The following COA1 variants were observed in gnomAD, a reference collection of about 807,000 sequenced individuals.
COA1 encodes the protein cytochrome c oxidase assembly factor 1.
Under a neutral mutation model 16.0 loss-of-function variants are expected in COA1, and 13 were observed. The observed-to-expected ratio is 0.81, with a 90% CI of 0.53 to 1.29. COA1 has a LOEUF of 1.29. COA1 is among the 50% of genes most tolerant of loss of function. The pLI is 0.00. For synonymous variants in COA1, 65 were observed against 65.7 expected (o/e 0.99, Z 0.05); for missense variants, 179 against 177.0 (o/e 1.01, Z -0.06).
At chr7:43,722,694 C>A (rs942859943) in intron 1 of COA1, among the ~76,000 whole-genome samples, 1 of 152,180 alleles carries the variant, frequency 6.6e-6, no homozygotes, top group Non-Finnish European at 1.5e-5. Flanking sequence ...TGAGCCACCA[C>A]GCCCAGCTAG....
intron 6 of COA1, chr7:43,633,099 A>T (rs189176330): frequency 1.3e-5 from 2 of 151,234 alleles, no homozygotes; most frequent in East Asian, 3.9e-4. Flanking sequence ...CTAACTATGA[A>T]AGTCCTAGAT....
intron 6 of COA1, among the ~76,000 whole-genome samples, chr7:43,629,397 CAATCCATA>C (rs1453118290): frequency 1.3e-5 from 2 of 152,164 alleles, no homozygotes; most frequent in African/African-American, 4.8e-5. Flanking sequence ...AGTAGTCATC[CAATCCATA>C]AACATGTTTT....
intron 6 of COA1, among the ~76,000 whole-genome samples, chr7:43,617,944 C>G (rs767881636): frequency 6.6e-6 from 1 of 152,060 alleles, no homozygotes; most frequent in African/African-American, 2.4e-5. Context: ...AACATATAAA[C>G]AAGGAAGGAG....
Position 43,729,506 on chromosome 7 carries a change from G to T in COA1, c.-116C>A, listed in dbSNP as rs1023233140. The T allele has an allele frequency of 2.6e-5, 4 of 152,308 alleles. No homozygotes were observed. Among genetic ancestry groups the T allele is most frequent in the Admixed American group, 6.5e-5 (1 of 15,290 alleles). The allele number at this position is 152,308 out of a possible 1,614,324, so 9.4% of individuals were successfully genotyped here. ...CTTGGGAAAGCACGGGTAAATGCCC[G>T]CGGTCCTGCGCGCCAGCGGGGAGCA... On this transcript the variant is annotated 5_prime_UTR_variant, in exon 1 of 6. Coordinates refer to ENST00000223336, the MANE Select transcript of COA1 (RefSeq NM_018224.4).
At chr7:43,696,003 G>A (rs561652291) in intron 1 of COA1, among the ~76,000 whole-genome samples, 18 of 152,224 alleles carry the variant, frequency 1.2e-4, no homozygotes, top group South Asian at 8.3e-4. Flanking sequence ...AGGTTTAATC[G>A]ACATACAGTT....
At position 43,729,421 on chromosome 7, in the gene COA1, A is replaced by AGAC. The variant is rs2095696708; in HGVS notation, c.-39+5_-39+7dup. 1 of 152,288 alleles carries AGAC rather than the reference A, an allele frequency of 6.6e-6. No individual in the cohort carries two copies. The highest frequency in any genetic ancestry group is 1.5e-5 in the Non-Finnish European group (1 of 68,066). 9.4% of individuals were successfully genotyped at this position (152,288 alleles called of 1,614,324 possible). ...AAGACGGAGACTCTTATACCGCGGGAGACTAACCTGTGAGCAACAGAAGCA... is the reference window on the plus strand; with the variant it reads ...AAGACGGAGACTCTTATACCGCGGGAGACGACTAACCTGTGAGCAACAGAAGCA... On this transcript the variant is annotated splice_region_variant and intron_variant, in intron 1 of 5. Coordinates refer to ENST00000223336, the MANE Select transcript of COA1 (RefSeq NM_018224.4).
intron 6 of COA1, among the ~76,000 whole-genome samples, chr7:43,618,583 A>AGG (rs2083560770): frequency 6.6e-6 from 1 of 152,246 alleles, no homozygotes; most frequent in African/African-American, 2.4e-5. Flanking sequence ...GAAAACATTA[A>AGG]GTGAGGACCC....
intron 1 of COA1, among the ~76,000 whole-genome samples, chr7:43,692,364 C>T (rs111437730): frequency 1.3e-5 from 2 of 152,108 alleles, no homozygotes; most frequent in African/African-American, 4.8e-5. Context: ...ACAAAAAATA[C>T]AAATCTTAGC....
At chr7:43,625,882 T>G (rs1192645963) in intron 6 of COA1, 3 of 152,190 alleles carry the variant, frequency 2.0e-5, no homozygotes, top group Non-Finnish European at 4.4e-5. Context: ...ACATTTACTT[T>G]GTCCATAAAA....
intron 1 of COA1, among the ~76,000 whole-genome samples, chr7:43,728,062 C>T (rs2095654716): frequency 6.6e-6 from 1 of 151,732 alleles, no homozygotes; most frequent in South Asian, 2.1e-4. Context: ...GCAAGCTCCA[C>T]CTCCCGGGTT....
intron 1 of COA1, among the ~76,000 whole-genome samples, chr7:43,651,823 C>T (rs886929117): frequency 1.3e-5 from 2 of 151,984 alleles, no homozygotes; most frequent in African/African-American, 4.8e-5. Context: ...TTGGTGGAAC[C>T]GAAACTCTAC....
chr7:43,616,636 G>A (rs1290589794), intron 6 of COA1, among the ~76,000 whole-genome samples: 7 of 152,002 alleles, frequency 4.6e-5, no homozygotes, highest in Non-Finnish European at 7.4e-5. Context: ...GGTGGCTCAC[G>A]CCTGTAATCC....
intron 1 of COA1, among the ~76,000 whole-genome samples, chr7:43,683,340 A>G (rs1292014613): frequency 6.6e-6 from 1 of 152,078 alleles, no homozygotes; most frequent in Non-Finnish European, 1.5e-5. Context: ...TCCCAAAAAC[A>G]TTTAGTAGTT....
In COA1 at chr7:43,647,225, C is replaced by T. The variant is rs1227206817; in HGVS notation, c.115+310G>A. The T allele has an allele frequency of 1.2e-5, 5 of 430,564 alleles. No individual in the cohort carries two copies. In the Admixed American group the frequency reaches 1.9e-4, roughly 17 times the overall value. The allele number at this position is 430,564 out of a possible 1,614,324, so 26.7% of individuals were successfully genotyped here. Reference sequence around the variant, plus strand: ...CATCTGGTATTCCCCTTCCCTCTGTCCCTTCTTTATATAATCTCAGAATCT... The same window carrying T: ...CATCTGGTATTCCCCTTCCCTCTGTTCCTTCTTTATATAATCTCAGAATCT... On this transcript the variant is annotated intron_variant, in intron 3 of 5. Transcript: ENST00000223336.
intron 6 of COA1, chr7:43,622,582 GAGT>G (rs2084019736): frequency 1.3e-5 from 2 of 152,052 alleles, no homozygotes; most frequent in African/African-American, 4.8e-5. Context: ...AGTGGATTGT[GAGT>G]AGATTTTTTT....
At chr7:43,643,195 C>T (rs1258626174) in intron 4 of COA1, among the ~76,000 whole-genome samples, 1 of 152,208 alleles carries the variant, frequency 6.6e-6, no homozygotes, top group African/African-American at 2.4e-5. Flanking sequence ...GAAAGCTGGA[C>T]AGGACAAAGC....
chr7:43,670,320 G>A (rs2093177226), intron 1 of COA1, among the ~76,000 whole-genome samples: 1 of 152,052 alleles, frequency 6.6e-6, no homozygotes, highest in African/African-American at 2.4e-5. Context: ...GGGTGTGGTG[G>A]TGGGTACCTG....
At chr7:43,724,828 T>C (rs1377129076) in intron 1 of COA1, among the ~76,000 whole-genome samples, 1 of 152,260 alleles carries the variant, frequency 6.6e-6, no homozygotes, top group Non-Finnish European at 1.5e-5. Context: ...TGATTCCACT[T>C]TTATGAGGAC....
chr7:43,714,997 C>T (rs79949289), intron 1 of COA1, among the ~76,000 whole-genome samples: 1 of 104,260 alleles, frequency 9.6e-6, no homozygotes, highest in Admixed American at 1.2e-4. Context: ...AAAGAGTGAG[C>T]CTCTTGTCTA....
Sources: gnomAD v4.1 joint callset for allele counts (sites outside exome capture counted in the v4.1 genomes callset) on GRCh38, gnomAD v4.1.1 for gene constraint, MANE v1.5 for transcripts, NCBI Gene and HGNC (gene_info 2026-07-23, HGNC 2026-07-21) for gene names.